Variants in TMEM178B observed in about 807,000 individuals in gnomAD.
The protein encoded by TMEM178B is transmembrane protein 178B.
Under a neutral mutation model 31.0 loss-of-function variants are expected in TMEM178B, and 5 were observed. The observed-to-expected ratio is 0.16, with a 90% CI of 0.08 to 0.34. TMEM178B has a LOEUF of 0.34. Among genes scored for constraint, TMEM178B ranks in the 10% least tolerant of loss-of-function variants. The pLI, the probability that TMEM178B is intolerant of heterozygous loss-of-function variation, is 1.00. For missense variants in TMEM178B, 275 were observed against 400.3 expected (o/e 0.69, Z 2.67); for synonymous variants, 164 against 164.0 (o/e 1.00, Z 0.00).
At chr7:141,188,672 G>C (rs1796650761) in intron 1 of TMEM178B, among the ~76,000 whole-genome samples, 1 of 152,218 alleles carries the variant, frequency 6.6e-6, no homozygotes, top group African/African-American at 2.4e-5. Flanking sequence ...TTACATTCTA[G>C]TTAGGATAAG....
intron 2 of TMEM178B, among the ~76,000 whole-genome samples, chr7:141,253,492 T>A (rs185936019): frequency 6.6e-5 from 10 of 152,074 alleles, no homozygotes; most frequent in Non-Finnish European, 1.5e-4. Context: ...TATTTATTAG[T>A]TGAGTCCCTG....
chr7:141,404,555 A>G (rs1378915825), intron 2 of TMEM178B, among the ~76,000 whole-genome samples: 1 of 152,066 alleles, frequency 6.6e-6, no homozygotes, highest in Non-Finnish European at 1.5e-5. Context: ...TCTGGGTCTC[A>G]GATCTTCCTG....
chr7:141,197,120 A>G (rs1362769825), intron 1 of TMEM178B, among the ~76,000 whole-genome samples: 1 of 152,224 alleles, frequency 6.6e-6, no homozygotes, highest in Non-Finnish European at 1.5e-5. Context: ...AAATGGTGCC[A>G]TAGTATAACA....
chr7:141,246,416 G>A (rs1414430013), intron 2 of TMEM178B, among the ~76,000 whole-genome samples: 1 of 152,204 alleles, frequency 6.6e-6, no homozygotes, highest in South Asian at 2.1e-4. Flanking sequence ...CTACGAAAGG[G>A]TATTTGGAGT....
intron 2 of TMEM178B, among the ~76,000 whole-genome samples, chr7:141,357,479 G>A (rs999572186): frequency 1.3e-5 from 2 of 152,162 alleles, no homozygotes; most frequent in African/African-American, 4.8e-5. Flanking sequence ...TGCTGTCATA[G>A]CAGGAGCACT....
At chr7:141,383,161 TTTC>T (rs1364960946) in intron 2 of TMEM178B, among the ~76,000 whole-genome samples, 4,211 of 147,330 alleles carry the variant, frequency 0.029, 179 homozygotes, top group African/African-American at 0.099. Flanking sequence ...TCTTTCTTTC[TTTC>T]TTTTTTTTTA....
At chr7:141,263,717 C>T (rs1333838050) in intron 2 of TMEM178B, among the ~76,000 whole-genome samples, 1 of 152,178 alleles carries the variant, frequency 6.6e-6, no homozygotes, top group Non-Finnish European at 1.5e-5. Context: ...AATCTGGCTG[C>T]TCATCTGCAG....
chr7:141,404,260 A>T (rs564603420), intron 2 of TMEM178B, among the ~76,000 whole-genome samples: 1 of 152,300 alleles, frequency 6.6e-6, no homozygotes, highest in African/African-American at 2.4e-5. Context: ...AGCCGAGATC[A>T]TGCTACTGCA....
chr7:141,452,735 TA>T (rs1027312317), intron 3 of TMEM178B, among the ~76,000 whole-genome samples: 1 of 152,008 alleles, frequency 6.6e-6, no homozygotes, highest in African/African-American at 2.4e-5. Context: ...GTTAATATAT[TA>T]AAAAAAATAT....
At chr7:141,140,541 A>G (rs1795752992) in intron 1 of TMEM178B, among the ~76,000 whole-genome samples, 1 of 152,234 alleles carries the variant, frequency 6.6e-6, no homozygotes, top group African/African-American at 2.4e-5. Context: ...CCAATGTTAT[A>G]TCAGTATTAA....
At chr7:141,383,102 G>A (rs1177490685) in intron 2 of TMEM178B, among the ~76,000 whole-genome samples, 1 of 152,076 alleles carries the variant, frequency 6.6e-6, no homozygotes, top group African/African-American at 2.4e-5. Flanking sequence ...TAGTGCGTGA[G>A]TTCACACTGG....
At chr7:141,488,513 G>T in the TMEM178B span, among the ~76,000 whole-genome samples, 10 of 151,810 alleles carry the variant, frequency 6.6e-5, no homozygotes, top group Non-Finnish European at 7.4e-5. Flanking sequence ...AATCTTGGCT[G>T]ACTGCAACCT....
intron 2 of TMEM178B, among the ~76,000 whole-genome samples, chr7:141,420,418 T>C (rs890260514): frequency 7.9e-5 from 12 of 152,190 alleles, no homozygotes; most frequent in African/African-American, 2.9e-4. Flanking sequence ...AGAGGTAAGA[T>C]ACTGACTTTA....
chr7:141,199,613 G>T (rs1586821806), intron 1 of TMEM178B, among the ~76,000 whole-genome samples: 1 of 151,666 alleles, frequency 6.6e-6, no homozygotes, highest in East Asian at 1.9e-4. Flanking sequence ...TTTGAGACAG[G>T]TCTTGCTCTA....
chr7:141,085,662 TC>T (rs1794772166), intron 1 of TMEM178B, among the ~76,000 whole-genome samples: 2 of 151,656 alleles, frequency 1.3e-5, no homozygotes, highest in Admixed American at 1.3e-4. Flanking sequence ...TTTCTCTTCA[TC>T]TTTATAATAG....
intron 2 of TMEM178B, among the ~76,000 whole-genome samples, chr7:141,393,056 G>GGC (rs1355334774): frequency 6.6e-5 from 10 of 152,234 alleles, no homozygotes; most frequent in African/African-American, 2.2e-4. Context: ...CTGTGCTTTT[G>GGC]TGGCACATTT....
chr7:141,144,472 T>C (rs1795820877), intron 1 of TMEM178B, among the ~76,000 whole-genome samples: 1 of 152,176 alleles, frequency 6.6e-6, no homozygotes, highest in Non-Finnish European at 1.5e-5. Flanking sequence ...TTTTTCTCTG[T>C]TGAAGGTAAC....
At chr7:141,415,683 G>T (rs1801083673) in intron 2 of TMEM178B, among the ~76,000 whole-genome samples, 1 of 152,198 alleles carries the variant, frequency 6.6e-6, no homozygotes, top group Non-Finnish European at 1.5e-5. Flanking sequence ...AAATGTCCCT[G>T]AGATTTGGGG....
intron 1 of TMEM178B, among the ~76,000 whole-genome samples, chr7:141,094,718 T>C (rs1453143497): frequency 6.6e-6 from 1 of 152,248 alleles, no homozygotes. Flanking sequence ...TCTGCAGTTT[T>C]TAATTTAATA....
Sources: allele counts gnomAD v4.1 joint callset (sites outside exome capture counted in the v4.1 genomes callset), GRCh38; gene constraint gnomAD v4.1.1; transcripts MANE v1.5; gene names NCBI Gene and HGNC (gene_info 2026-07-23, HGNC 2026-07-21).